Variants in RNF111 observed in about 807,000 individuals in gnomAD.
The protein encoded by RNF111 is ring finger protein 111.
A neutral mutation model predicts 95.1 loss-of-function variants in RNF111; 17 were observed. The observed-to-expected ratio is 0.18, with a 90% CI of 0.12 to 0.27. RNF111 has a LOEUF of 0.27. Ranked by LOEUF, RNF111 falls within the 10% of genes least tolerant of loss-of-function variation. The pLI, the probability that RNF111 is intolerant of heterozygous loss-of-function variation, is 1.00. For synonymous variants in RNF111, 440 were observed against 414.8 expected (o/e 1.06, Z -0.74); for missense variants, 1,189 against 1,210.4 (o/e 0.98, Z 0.26).
chr15:59,041,522 C>G (rs962623769), intron 2 of RNF111, among the ~76,000 whole-genome samples: 1 of 152,080 alleles, frequency 6.6e-6, no homozygotes, highest in Non-Finnish European at 1.5e-5. Flanking sequence ...GATTGTGCCA[C>G]TGCACTCCAG....
chr15:59,002,759 T>C (rs905672149), intron 1 of RNF111, among the ~76,000 whole-genome samples: 4 of 152,190 alleles, frequency 2.6e-5, no homozygotes, highest in Non-Finnish European at 4.4e-5. Flanking sequence ...TCTGATGTCA[T>C]TGTGTGCCAT....
intron 7 of RNF111, among the ~76,000 whole-genome samples, chr15:59,077,093 G>A (rs1326251380): frequency 6.7e-6 from 1 of 148,166 alleles, no homozygotes; most frequent in Non-Finnish European, 1.5e-5. Flanking sequence ...AAAATTTAAA[G>A]TATAAATTGG....
At chr15:59,045,396 G>A (rs1195323131) in intron 2 of RNF111, among the ~76,000 whole-genome samples, 1 of 151,966 alleles carries the variant, frequency 6.6e-6, no homozygotes, top group East Asian at 1.9e-4. Context: ...TTACCATGTT[G>A]GCCAGGCTGG....
intron 1 of RNF111, 98 bp from the exon 2 acceptor site, chr15:59,030,706 T>G: frequency 1.2e-6 from 1 of 805,558 alleles, no homozygotes; most frequent in Non-Finnish European, 1.9e-6. Context: ...AGTTCTGCCT[T>G]TATAAGGGAT....
chr15:59,003,187 C>T (rs1166847660), intron 1 of RNF111, among the ~76,000 whole-genome samples: 1 of 152,192 alleles, frequency 6.6e-6, no homozygotes, highest in Non-Finnish European at 1.5e-5. Context: ...TCAATGTCAG[C>T]TCACTGCAAC....
At chr15:59,002,840 T>A (rs2039383274) in intron 1 of RNF111, among the ~76,000 whole-genome samples, 1 of 152,194 alleles carries the variant, frequency 6.6e-6, no homozygotes, top group Non-Finnish European at 1.5e-5. Flanking sequence ...ACATAGTCTT[T>A]CCTATTTTTT....
At position 59,017,044 on chromosome 15, in the gene RNF111, T is replaced by G. The variant is rs143630700; in HGVS notation, c.-19-13760T>G. 5.5e-3 allele frequency among the ~76,000 whole-genome samples: 834 copies of G among 151,966 alleles called. 8 individuals are homozygous for G. The highest frequency in any genetic ancestry group is 0.01 in the Middle Eastern group (3 of 294). On this transcript the variant is annotated intron_variant, in intron 1 of 13. Coordinates refer to ENST00000348370, the MANE Select transcript of RNF111 (RefSeq NM_017610.8). Reference sequence around the variant, plus strand: ...GAGCAAGCTCAGGGCTCCCACTGATTCTATATTACGGTGAATTGTATAATA... The same window carrying G: ...GAGCAAGCTCAGGGCTCCCACTGATGCTATATTACGGTGAATTGTATAATA...
In RNF111 at chr15:59,066,977, CAGTTTCTCCTTCCTT is replaced by C. The variant is rs2042684762; in HGVS notation, c.1581_1595del (p.Val528_Phe532del). The C allele has an allele frequency of 6.2e-7, 1 of 1,614,006 alleles. No homozygotes were observed. The highest frequency in any genetic ancestry group is 8.5e-7 in the Non-Finnish European group (1 of 1,180,022). ...CACCATACTCCCCACCCAGCTGTCC[CAGTTTCTCCTTCCTT>C]TAGTGATCCTGCTTGCCCTGTGGAA... On this transcript the variant is annotated inframe_deletion, in exon 6 of 14. Transcript: ENST00000348370.
intron 1 of RNF111, among the ~76,000 whole-genome samples, chr15:59,013,286 C>G (rs1359431208): frequency 2.6e-5 from 4 of 152,208 alleles, no homozygotes; most frequent in Admixed American, 2.6e-4. Context: ...TTGTTAACAT[C>G]TTACCCATTA....
At chr15:59,020,256 CAA>C (rs1217104302) in intron 1 of RNF111, among the ~76,000 whole-genome samples, 15 of 149,776 alleles carry the variant, frequency 1.0e-4, no homozygotes, top group South Asian at 2.1e-4. Flanking sequence ...ATAAATATAA[CAA>C]TATATGCATT....
rs763333658 is a variant in RNF111, at chr15:59,058,491, C to T, written c.1307C>T (p.Thr436Ile). 4 of 1,614,112 alleles carry T rather than the reference C, an allele frequency of 2.5e-6. No individual in the cohort carries two copies. Among genetic ancestry groups the T allele is most frequent in the Admixed American group, 1.7e-5 (1 of 60,020 alleles). The change falls in exon 5 of 14, where the codon ACA becomes ATA. Residue 436 changes from threonine (T) to isoleucine (I), a missense_variant. Thr to Ile is a moderately conservative substitution (Grantham distance 89). Transcript: ENST00000348370. ...ASAVTSSQPS[T>I]VSETSATLTS... Reference sequence around the variant, plus strand: ...GCTGTCACCAGTAGCCAACCTTCCACAGTGTCAGAGACTTCAGCTACTCTT... The same window carrying T: ...GCTGTCACCAGTAGCCAACCTTCCATAGTGTCAGAGACTTCAGCTACTCTT...
chr15:59,074,341 C>A (rs2043071453), intron 6 of RNF111, among the ~76,000 whole-genome samples: 1 of 152,238 alleles, frequency 6.6e-6, no homozygotes, highest in Admixed American at 6.5e-5. Context: ...TGACATCTTC[C>A]AATATTAGGC....
chr15:59,027,602 C>G (rs1467425103), intron 1 of RNF111, among the ~76,000 whole-genome samples: 1 of 151,708 alleles, frequency 6.6e-6, no homozygotes, highest in Non-Finnish European at 1.5e-5. Flanking sequence ...AATCTCGGCT[C>G]ACTGCAACCT....
intron 1 of RNF111, among the ~76,000 whole-genome samples, chr15:59,012,049 C>G (rs2039848873): frequency 9.6e-6 from 1 of 104,600 alleles, no homozygotes; most frequent in African/African-American, 3.8e-5. Context: ...GAGTCTCGCT[C>G]TGTCACCCAG....
At chr15:59,036,706 A>G (rs1282601903) in intron 2 of RNF111, among the ~76,000 whole-genome samples, 1 of 152,204 alleles carries the variant, frequency 6.6e-6, no homozygotes, top group Non-Finnish European at 1.5e-5. Context: ...GCTATTGGGA[A>G]ATGAACTGAT....
chr15:59,011,540 G>GT (rs2039815318), intron 1 of RNF111, among the ~76,000 whole-genome samples: 1 of 152,208 alleles, frequency 6.6e-6, no homozygotes, highest in Non-Finnish European at 1.5e-5. Flanking sequence ...TCTGTAGAGT[G>GT]TAAGTCCAGT....
Position 59,058,457 on chromosome 15 carries a change from A to C in RNF111, c.1273A>C (p.Thr425Pro). ...NPSTSEQASD[T>P]ASAVTSSQPS... Reference sequence around the variant, plus strand: ...ATCTACCTCTGAGCAGGCCTCTGATACTGCTTCAGCTGTCACCAGTAGCCA... The same window carrying C: ...ATCTACCTCTGAGCAGGCCTCTGATCCTGCTTCAGCTGTCACCAGTAGCCA... Residue 425 changes from threonine to proline, a missense_variant, in exon 5 of 14, where the codon ACT becomes CCT. Physicochemically the swap from Thr to Pro is conservative, Grantham distance 38. This residue lies in a region of RNF111 where 1,024 missense variants were observed against 925.9 expected (regional missense o/e 1.11). Transcript: ENST00000348370. The C allele has an allele frequency of 6.2e-7, 1 of 1,614,134 alleles. No individual in the cohort carries two copies. Among genetic ancestry groups the C allele is most frequent in the Non-Finnish European group, 8.5e-7 (1 of 1,179,986 alleles).
At chr15:59,006,444 AAGT>A (rs2039543708) in intron 1 of RNF111, among the ~76,000 whole-genome samples, 1 of 152,176 alleles carries the variant, frequency 6.6e-6, no homozygotes, top group African/African-American at 2.4e-5. Context: ...AATTTCATGT[AAGT>A]AGTAGTATTA....
chr15:59,008,203 G>A (rs1192367070), intron 1 of RNF111, among the ~76,000 whole-genome samples: 1 of 152,090 alleles, frequency 6.6e-6, no homozygotes, highest in Non-Finnish European at 1.5e-5. Context: ...CTCTCCAGTT[G>A]TTTCACGACC....
Sources: gnomAD v4.1 joint callset for allele counts (sites outside exome capture counted in the v4.1 genomes callset) on GRCh38, gnomAD v4.1.1 for gene constraint, gnomAD v4.1.1 regional missense constraint, MANE v1.5 for transcripts, NCBI Gene and HGNC (gene_info 2026-07-23, HGNC 2026-07-21) for gene names.